The following TTN variants were observed in gnomAD, a reference collection of about 807,000 sequenced individuals.
The protein encoded by TTN is titin.
Under a neutral mutation model 3,223.0 loss-of-function variants are expected in TTN, and 1,525 were observed. That is an observed-to-expected ratio of 0.47 (90% CI 0.45 to 0.49). The LOEUF is 0.49. TTN is among the 20% of genes least tolerant of loss of function. The pLI, the probability that TTN is intolerant of heterozygous loss-of-function variation, is 0.00. For synonymous variants in TTN, 14,094 were observed against 15,161.0 expected (o/e 0.93, Z 5.17); for missense variants, 40,786 against 43,424.0 (o/e 0.94, Z 5.40).
chr2:178,541,443 C>T lies in TTN; in HGVS notation c.97634G>A (p.Arg32545Gln), dbSNP rs754540983. Reference protein sequence around the residue: ...IVERKEVRADRWVRVNKVPVT... With the variant: ...IVERKEVRADQWVRVNKVPVT... Reference sequence around the variant, plus strand: ...AGGTACTTTATTTACACGGACCCATCGATCTGCTCTCACTTCTTTGCGCTC... The same window carrying T: ...AGGTACTTTATTTACACGGACCCATTGATCTGCTCTCACTTCTTTGCGCTC... Residue 32545 changes from arginine (R) to glutamine (Q), a missense_variant, in exon 350 of 363, where the codon CGA becomes CAA. Physicochemically the swap from Arg to Gln is conservative, Grantham distance 43 (BLOSUM62 1). Coordinates refer to ENST00000589042, the MANE Select transcript of TTN (RefSeq NM_001267550.2). 1.5e-5 allele frequency: 24 copies of T among 1,613,338 alleles called. No individual in the cohort carries two copies. The highest frequency in any genetic ancestry group is 8.0e-5 in the African/African-American group (6 of 74,892).
In TTN at chr2:178,735,924, C is replaced by T; in HGVS notation, c.14522G>A (p.Trp4841Ter). 1 of 1,613,866 alleles carries T rather than the reference C, an allele frequency of 6.2e-7. No individual in the cohort carries two copies. Among genetic ancestry groups the T allele is most frequent in the Non-Finnish European group, 8.5e-7 (1 of 1,179,834 alleles). The change falls in exon 50 of 363, where the codon TGG becomes TAG. Residue 4841 changes from tryptophan to a stop codon, truncating the protein, a stop_gained. Transcript: ENST00000589042. LOFTEE classifies it high-confidence loss of function. ...DGAALSPSPN[W>*]RISDAENKHI... ...TTTGTTTTCTGCGTCGGAAATCCTC[C>T]AGTTAGGTGAAGGTGAGAGTGCAGC...
At position 178,564,524 on chromosome 2, in the gene TTN, G is replaced by A. The variant is rs770336276; in HGVS notation, c.81608C>T (p.Thr27203Ile). 6.2e-7 allele frequency: 1 copy of A among 1,612,748 alleles called. No individual in the cohort carries two copies. The highest frequency in any genetic ancestry group is 8.5e-7 in the Non-Finnish European group (1 of 1,179,436). ...ATCTTTCTTTTCTACAATATAACCTGTTATTTTGCTACCACCATCATAGGC... is the reference window on the plus strand; with the variant it reads ...ATCTTTCTTTTCTACAATATAACCTATTATTTTGCTACCACCATCATAGGC... ...KPAYDGGSKITGYIVEKKDLP... is the reference protein window; with the variant it reads ...KPAYDGGSKIIGYIVEKKDLP... Residue 27203 changes from threonine (T) to isoleucine (I), a missense_variant, in exon 326 of 363, where the codon ACA (threonine) becomes ATA (isoleucine). Physicochemically the swap from Thr to Ile is moderately conservative, Grantham distance 89. Coordinates refer to ENST00000589042, the MANE Select transcript of TTN (RefSeq NM_001267550.2).
At position 178,740,312 on chromosome 2, in the gene TTN, A is replaced by C. The variant is rs1490439391; in HGVS notation, c.12921T>G (p.Ser4307Arg). Residue 4307 changes from serine (S) to arginine (R), a missense_variant, in exon 48 of 363, where the codon AGT (serine) becomes AGG (arginine). Ser to Arg is a moderately radical substitution (Grantham distance 110, BLOSUM62 -1). Coordinates refer to ENST00000589042, the MANE Select transcript of TTN (RefSeq NM_001267550.2). The stretch of plus-strand genomic sequence containing the variant: ...GCCCTGCATTTTCCAGTGGATTTGC[A>C]CTTTCTATCAAAATTTTACCTCCTT... ...CTEGGKILIE[S>R]ANPLENAGQD... The C allele has an allele frequency of 2.5e-6, 4 of 1,613,688 alleles. No individual in the cohort carries two copies. The Admixed American group carries it at 6.7e-5, about 27-fold the overall frequency.
rs876658078 is a variant in TTN, at chr2:178,577,821, C to G, written c.68605G>C (p.Gly22869Arg). 2 of 1,611,388 alleles carry G rather than the reference C, an allele frequency of 1.2e-6. No individual in the cohort carries two copies. The highest frequency in any genetic ancestry group is 1.7e-6 in the Non-Finnish European group (2 of 1,178,516). ...ATATATCCAGTTAACTTATGACCAC[C>G]GTCATATTTAGGTTCAGTCCAAATG... is the stretch of plus-strand genomic sequence containing the variant. Reference protein sequence around the residue: ...TLIWTEPKYDGGHKLTGYIVE... With the variant: ...TLIWTEPKYDRGHKLTGYIVE... The change falls in exon 323 of 363, where the codon GGT becomes CGT. Residue 22869 changes from glycine (G) to arginine (R), a missense_variant. Gly to Arg is a moderately radical substitution (Grantham distance 125, BLOSUM62 -2). Coordinates refer to ENST00000589042, the MANE Select transcript of TTN (RefSeq NM_001267550.2).
In TTN at chr2:178,591,699, T is replaced by C. The variant is rs878854323; in HGVS notation, c.60120A>G (p.Leu20040=). 1.3e-5 allele frequency: 21 copies of C among 1,613,470 alleles called. No individual in the cohort carries two copies. Among genetic ancestry groups the C allele is most frequent in the Non-Finnish European group, 1.7e-5 (20 of 1,179,586 alleles). The change falls in exon 303 of 363, where the codon CTA becomes CTG. Residue 20040 remains leucine (L), a synonymous_variant. Coordinates refer to ENST00000589042, the MANE Select transcript of TTN (RefSeq NM_001267550.2). ...GGAATCTATAGGTCTTTCCTTGTTG[T>C]AGTCCAGTAACCACACACTCTAAGT... The part of the protein sequence containing the change: ...VTNLECVVTG[L]QQGKTYRFRV...
Position 178,599,675 on chromosome 2 carries a change from C to T in TTN, c.56226G>A (p.Val18742=). The change falls in exon 289 of 363, where the codon GTG becomes GTA. Residue 18742 remains valine (V), a synonymous_variant. Transcript: ENST00000589042. ...TAACTAAAGTGCAAGTATCATCTAC[C>T]ACCAGTTTGTTGACATGGGTGTCAT... ...VLYDTHVNKL[V]VDDTCTLVIP... is the part of the protein sequence containing the mutation. 2 of 1,613,052 alleles carry T rather than the reference C, an allele frequency of 1.2e-6. No individual in the cohort carries two copies. Among genetic ancestry groups the T allele is most frequent in the Non-Finnish European group, 1.7e-6 (2 of 1,179,366 alleles).
In TTN at chr2:178,618,054, G is replaced by A; in HGVS notation, c.47297C>T (p.Thr15766Ile). Residue 15766 changes from threonine (T) to isoleucine (I), a missense_variant, in exon 253 of 363, where the codon ACC becomes ATC. Transcript: ENST00000589042. Reference sequence around the variant, plus strand: ...ACCAAATCGATTCACATCAGTGATGGTTACATTCAAAGGAGGGCCTGGAAC... The same window carrying A: ...ACCAAATCGATTCACATCAGTGATGATTACATTCAAAGGAGGGCCTGGAAC... ...YDVPGPPLNV[T>I]ITDVNRFGVS... The A allele has an allele frequency of 6.2e-7, 1 of 1,612,322 alleles. No homozygotes were observed. The highest frequency in any genetic ancestry group is 8.5e-7 in the Non-Finnish European group (1 of 1,179,072).
At chr2:178,625,136 A>G (rs898919866) in intron 241 of TTN, 137 bp downstream of exon 241, 13 of 1,290,104 alleles carry the variant, frequency 1.0e-5, no homozygotes, top group Middle Eastern at 2.1e-4. Context: ...TTGTTATGCT[A>G]AAAAGTAAAA....
In TTN at chr2:178,573,842, C is replaced by T; in HGVS notation, c.72290G>A (p.Ser24097Asn). 1.9e-6 allele frequency: 3 copies of T among 1,611,752 alleles called. No individual in the cohort carries two copies. The highest frequency in any genetic ancestry group is 1.7e-4 in the Middle Eastern group (1 of 6,050). Reference sequence around the variant, plus strand: ...AGTCGCTGTAAGGGTATAGGCACCACTATCCCTTCTTGTTGAATCTTTGTT... The same window carrying T: ...AGTCGCTGTAAGGGTATAGGCACCATTATCCCTTCTTGTTGAATCTTTGTT... ...LVNKDSTRRDSGAYTLTATNP... is the reference protein window; with the variant it reads ...LVNKDSTRRDNGAYTLTATNP... Residue 24097 changes from serine (S) to asparagine (N), a missense_variant, in exon 326 of 363, where the codon AGT becomes AAT. Transcript: ENST00000589042.
rs150807667 is a variant in TTN, at chr2:178,719,475, C to T, written c.23939-24G>A. On this transcript the variant is annotated intron_variant, in intron 82 of 362. Transcript: ENST00000589042. ...ATCTATGTGGGGAAGGGTAGTTTTG[C>T]GTTTAAAGAGAAGTTTTATTCTGTG... 1,494 of 1,597,410 alleles carry T rather than the reference C, an allele frequency of 9.4e-4. 20 individuals carry two copies. The African/African-American group carries it at 0.017, about 19-fold the overall frequency.
At position 178,731,737 on chromosome 2, in the gene TTN, T is replaced by C. The variant is rs374597389; in HGVS notation, c.17138A>G (p.Asn5713Ser). Residue 5713 changes from asparagine (N) to serine (S), a missense_variant, in exon 58 of 363, where the codon AAT becomes AGT. By Grantham distance (46) the Asn-to-Ser change is conservative (BLOSUM62 1). Transcript: ENST00000589042. ...ACTGCAGATGCTGCTGCCCACCTCA[T>C]TGGTCACCCGACACTGGTATTCGCC... Reference protein sequence around the residue: ...DAGEYQCRVTNEVGSSICSAR... With the variant: ...DAGEYQCRVTSEVGSSICSAR... 2 of 1,613,542 alleles carry C rather than the reference T, an allele frequency of 1.2e-6. No individual in the cohort carries two copies. Among genetic ancestry groups the C allele is most frequent in the African/African-American group, 2.7e-5 (2 of 74,916 alleles).
chr2:178,737,102 AAGAT>A (rs989918204), intron 49 of TTN, among the ~76,000 whole-genome samples: 3 of 152,022 alleles, frequency 2.0e-5, no homozygotes, highest in African/African-American at 4.8e-5. Context: ...GAAAGAAAGA[AAGAT>A]AGAGAGGAGG....
In TTN at chr2:178,566,448, G is replaced by A. The variant is rs869025545; in HGVS notation, c.79684C>T (p.Arg26562Ter). ...KLTEHQEYKI[R>*]VCALNKVGLG... ...CCAACTTTGTTGAGGGCACAGACTC[G>A]TATTTTATACTCTTGGTGTTCAGTG... The change falls in exon 326 of 363, where the codon CGA becomes TGA. Residue 26562 changes from arginine to a stop codon, truncating the protein, a stop_gained. Coordinates refer to ENST00000589042, the MANE Select transcript of TTN (RefSeq NM_001267550.2). LOFTEE classifies it high-confidence loss of function. 1.2e-6 allele frequency: 2 copies of A among 1,613,384 alleles called. No individual in the cohort carries two copies. Among genetic ancestry groups the A allele is most frequent in the Non-Finnish European group, 1.7e-6 (2 of 1,179,672 alleles).
chr2:178,705,423 C>A, intron 102 of TTN, 66 bp from the exon 103 acceptor site: 1 of 1,239,114 alleles, frequency 8.1e-7, no homozygotes, highest in South Asian at 1.7e-5. Flanking sequence ...TGTCTATCAT[C>A]ATTCAAAGAT....
chr2:178,664,577 G>T (rs1405911053), intron 167 of TTN, 40 bp from the exon 168 acceptor site: 40 of 1,604,186 alleles, frequency 2.5e-5, no homozygotes, highest in Non-Finnish European at 3.4e-5. Flanking sequence ...GAAGTTACAA[G>T]AATCAACACA....
rs1246164291 is a variant in TTN at position 178,777,474 on chromosome 2, C to T, written c.4591G>A (p.Val1531Ile). Residue 1531 changes from valine to isoleucine, a missense_variant, in exon 26 of 363, where the codon GTT becomes ATT. Transcript: ENST00000589042. ...GATCTGCCTGCCCTGTTTTGGGCAA[C>T]CACAGTCCATTCCCCAGAATCACTG... Reference protein sequence around the residue: ...TPSDSGEWTVVAQNRAGRSSI... With the variant: ...TPSDSGEWTVIAQNRAGRSSI... The T allele has an allele frequency of 6.2e-7, 1 of 1,613,866 alleles. No individual in the cohort carries two copies. The highest frequency in any genetic ancestry group is 8.5e-7 in the Non-Finnish European group (1 of 1,179,926).
chr2:178,712,150 T>G lies in TTN; in HGVS notation c.27680A>C (p.Gln9227Pro), dbSNP rs1262905911. ...SVGDSASLQC[Q>P]LAGTPEIGVS... ...CCCAATTTCAGGGGTTCCAGCAAGC[T>G]GGCATTGTAGAGAGGCAGAATCTCC... The change falls in exon 96 of 363, where the codon CAG becomes CCG. Residue 9227 changes from glutamine (Q) to proline (P), a missense_variant. Physicochemically the swap from Gln to Pro is moderately conservative, Grantham distance 76 (BLOSUM62 -1). Transcript: ENST00000589042. 6.2e-7 allele frequency: 1 copy of G among 1,613,826 alleles called. No homozygotes were observed. The highest frequency in any genetic ancestry group is 2.2e-5 in the East Asian group (1 of 44,868).
At chr2:178,679,791 A>C in intron 140 of TTN, 103 bp downstream of exon 140, 1 of 1,546,744 alleles carries the variant, frequency 6.5e-7, no homozygotes, top group Non-Finnish European at 8.8e-7. Context: ...GCTTTAAAGT[A>C]AGCAATCATT....
chr2:178,789,010 C>A (rs928412730), intron 13 of TTN, among the ~76,000 whole-genome samples: 17 of 152,018 alleles, frequency 1.1e-4, no homozygotes, highest in African/African-American at 4.1e-4. Context: ...GAGTAAGAGT[C>A]ATCATTTACT....
Sources: gnomAD v4.1 joint callset for allele counts (sites outside exome capture counted in the v4.1 genomes callset) on GRCh38, gnomAD v4.1.1 for gene constraint, MANE v1.5 for transcripts, NCBI Gene and HGNC (gene_info 2026-07-23, HGNC 2026-07-21) for gene names.